The following PDK1 variants were observed in gnomAD, a reference collection of about 807,000 sequenced individuals.
The protein encoded by PDK1 is pyruvate dehydrogenase kinase 1.
PDK1 carries 39 observed loss-of-function variants against 54.2 expected under a neutral mutation model. The ratio of observed to expected loss-of-function variants is 0.72; its 90% CI spans 0.56 to 0.94. The LOEUF (loss-of-function observed/expected upper bound fraction) is 0.94. Ranked by LOEUF, PDK1 falls within the 40% of genes least tolerant of loss-of-function variation. PDK1 has a pLI of 0.00. For synonymous variants in PDK1, 221 were observed against 207.1 expected (o/e 1.07, Z -0.58); for missense variants, 552 against 566.0 (o/e 0.98, Z 0.25).
intron 9 of PDK1, among the ~76,000 whole-genome samples, 161 bp downstream of exon 9, chr2:172,586,549 T>C (rs1690241265): frequency 6.6e-6 from 1 of 150,640 alleles, no homozygotes; most frequent in Non-Finnish European, 1.5e-5. Context: ...GCCTTCAGAA[T>C]ACTTTTTTTT....
the PDK1 span, among the ~76,000 whole-genome samples, chr2:172,691,660 G>A: frequency 2.0e-5 from 3 of 152,168 alleles, no homozygotes; most frequent in African/African-American, 7.2e-5. Flanking sequence ...AGTTGGAATC[G>A]TACAATATTT....
chr2:172,705,791 A>G, the PDK1 span, among the ~76,000 whole-genome samples: 1 of 152,230 alleles, frequency 6.6e-6, no homozygotes, highest in Non-Finnish European at 1.5e-5. Flanking sequence ...TTTACAAAAC[A>G]GTTGCTCTAT....
the PDK1 span, among the ~76,000 whole-genome samples, chr2:172,702,336 G>A: frequency 2.0e-5 from 3 of 152,146 alleles, no homozygotes; most frequent in Non-Finnish European, 4.4e-5. Flanking sequence ...AATTAGCGGC[G>A]CATGATGGCG....
chr2:172,688,689 G>A, the PDK1 span, among the ~76,000 whole-genome samples: 1 of 152,194 alleles, frequency 6.6e-6, no homozygotes, highest in African/African-American at 2.4e-5. Flanking sequence ...AGGAGAGAAG[G>A]AAGGAAGATA....
intron 9 of PDK1, among the ~76,000 whole-genome samples, chr2:172,587,984 A>C (rs1476442585): frequency 6.6e-6 from 1 of 152,124 alleles, no homozygotes; most frequent in Non-Finnish European, 1.5e-5. Flanking sequence ...CTAGACAGAA[A>C]AGTTCTCCAA....
chr2:172,660,759 C>T, the PDK1 span, among the ~76,000 whole-genome samples: 1 of 151,884 alleles, frequency 6.6e-6, no homozygotes, highest in South Asian at 2.1e-4. Flanking sequence ...CTTTGGGTTT[C>T]CTGTGGATTC....
At chr2:172,682,424 T>C in the PDK1 span, among the ~76,000 whole-genome samples, 1 of 152,248 alleles carries the variant, frequency 6.6e-6, no homozygotes, top group Non-Finnish European at 1.5e-5. Flanking sequence ...GTCTGGCCAC[T>C]GCAGTGAGAA....
chr2:172,652,375 A>G, the PDK1 span, among the ~76,000 whole-genome samples: 96,995 of 151,980 alleles, frequency 0.64, 32,267 homozygotes, highest in Non-Finnish European at 0.74. Context: ...CTGAATGGGC[A>G]AAAACTGGAA....
intron 6 of PDK1, among the ~76,000 whole-genome samples, chr2:172,568,457 T>TA (rs1254216582): frequency 6.6e-6 from 1 of 152,052 alleles, no homozygotes; most frequent in Non-Finnish European, 1.5e-5. Context: ...TAAGCGATCT[T>TA]AAAAAAGACT....
the PDK1 span, among the ~76,000 whole-genome samples, chr2:172,635,694 C>CGA: frequency 6.6e-6 from 1 of 151,806 alleles, no homozygotes; most frequent in Non-Finnish European, 1.5e-5. Flanking sequence ...GACTGCTGCC[C>CGA]CCCTCCACCC....
At chr2:172,661,314 G>A in the PDK1 span, among the ~76,000 whole-genome samples, 3 of 152,206 alleles carry the variant, frequency 2.0e-5, no homozygotes, top group African/African-American at 4.8e-5. Context: ...TGCCATTATT[G>A]TATAAATTAT....
At chr2:172,593,142 C>A in intron 10 of PDK1, 94 bp downstream of exon 10, 1 of 615,638 alleles carries the variant, frequency 1.6e-6, no homozygotes, top group South Asian at 2.0e-5. Context: ...CTACCACATG[C>A]TGTTTAAATA....
chr2:172,579,714 T>C (rs573439823), intron 8 of PDK1, among the ~76,000 whole-genome samples: 220 of 151,868 alleles, frequency 1.4e-3, no homozygotes, highest in African/African-American at 5.1e-3. Flanking sequence ...CTTTTTTTTT[T>C]TTCTTTTTTT....
Position 172,594,554 on chromosome 2 carries a change from C to A in PDK1, c.1171-1275C>A. Among the ~76,000 whole-genome samples the A allele has an allele frequency of 1.3e-5, 2 of 152,194 alleles. 1 individual carries two copies. Among genetic ancestry groups the A allele is most frequent in the East Asian group, 3.8e-4 (2 of 5,196 alleles). ...ATTCAAAGCCATCCTGGGCCGCATG[C>A]AGCCTGTGGGCTGTGGATTGGACAA... On this transcript the variant is annotated intron_variant, in intron 10 of 10. Coordinates refer to ENST00000282077, the MANE Select transcript of PDK1 (RefSeq NM_002610.5).
the PDK1 span, among the ~76,000 whole-genome samples, chr2:172,621,826 TGTTTATATCTCATATGTATGATAC>T: frequency 1.6e-5 from 2 of 124,214 alleles, no homozygotes; most frequent in East Asian, 6.0e-4. Context: ...GTATGATATA[TGTTTATATCTCATATGTATGATAC>T]ATGTTTATAT....
the PDK1 span, among the ~76,000 whole-genome samples, chr2:172,671,136 A>G: frequency 2.0e-5 from 3 of 151,310 alleles, no homozygotes; most frequent in Non-Finnish European, 4.4e-5. Context: ...TGTCTTTGCA[A>G]CTGTTATTCT....
the PDK1 span, among the ~76,000 whole-genome samples, chr2:172,711,589 G>A: frequency 6.6e-6 from 1 of 152,240 alleles, no homozygotes; most frequent in Non-Finnish European, 1.5e-5. Flanking sequence ...CTATGGCTGG[G>A]TACAGTGGCT....
the PDK1 span, among the ~76,000 whole-genome samples, chr2:172,668,854 C>T: frequency 1.3e-3 from 189 of 141,838 alleles, no homozygotes; most frequent in African/African-American, 4.7e-3. Flanking sequence ...CACACACACA[C>T]ATATATATGT....
At chr2:172,622,941 A>G in the PDK1 span, among the ~76,000 whole-genome samples, 1 of 147,480 alleles carries the variant, frequency 6.8e-6, no homozygotes. Flanking sequence ...TATATATGTT[A>G]TAAATATTTA....
Sources: gnomAD v4.1 joint callset for allele counts (sites outside exome capture counted in the v4.1 genomes callset) on GRCh38, gnomAD v4.1.1 for gene constraint, MANE v1.5 for transcripts, NCBI Gene and HGNC (gene_info 2026-07-23, HGNC 2026-07-21) for gene names.